ACVR2A: variants seen among roughly 807,000 people sequenced by gnomAD.
The protein encoded by ACVR2A is activin receptor type-2A.
Under a neutral mutation model 61.4 loss-of-function variants are expected in ACVR2A, and 7 were observed. That is an observed-to-expected ratio of 0.11 (90% CI 0.06 to 0.21). The LOEUF (loss-of-function observed/expected upper bound fraction) is 0.21. ACVR2A is among the 10% of genes least tolerant of loss of function. ACVR2A has a pLI of 1.00. For synonymous variants in ACVR2A, 193 were observed against 208.3 expected (o/e 0.93, Z 0.63); for missense variants, 322 against 621.7 (o/e 0.52, Z 5.13).
intron 4 of ACVR2A, among the ~76,000 whole-genome samples, chr2:147,903,458 A>G (rs1043882032): frequency 6.6e-6 from 1 of 151,848 alleles, no homozygotes; most frequent in Admixed American, 6.6e-5. Flanking sequence ...TATAATCTCA[A>G]AGTTGGCCTT....
At chr2:147,850,682 A>G in intron 1 of ACVR2A, among the ~76,000 whole-genome samples, 1 of 152,216 alleles carries the variant, frequency 6.6e-6, no homozygotes, top group East Asian at 1.9e-4. Flanking sequence ...TGAACATGAA[A>G]ATTCCAGGAA....
At chr2:147,894,635 C>A (rs924228599) in intron 1 of ACVR2A, among the ~76,000 whole-genome samples, 2 of 152,030 alleles carry the variant, frequency 1.3e-5, no homozygotes, top group African/African-American at 4.8e-5. Context: ...TCAGAAAATT[C>A]TTTTGACTAT....
chr2:147,845,018 TTTTTTTTTTGG>T, exon 1 of ACVR2A: 1 of 206,914 alleles, frequency 4.8e-6, no homozygotes, highest in Non-Finnish European at 9.0e-6. Context: ...TTTTTTTTTT[TTTTTTTTTTGG>T]TCTGGGCTTC....
chr2:147,859,832 A>G (rs888852518), intron 1 of ACVR2A, among the ~76,000 whole-genome samples: 1 of 152,190 alleles, frequency 6.6e-6, no homozygotes, highest in Admixed American at 6.5e-5. Flanking sequence ...ACAGGGTCAT[A>G]CAGATAAAAA....
At chr2:147,847,273 A>G (rs1344599320) in intron 1 of ACVR2A, among the ~76,000 whole-genome samples, 1 of 152,168 alleles carries the variant, frequency 6.6e-6, no homozygotes, top group South Asian at 2.1e-4. Context: ...AATAATCATA[A>G]AGACCTTAAT....
chr2:147,897,881 A>G (rs772195357), intron 2 of ACVR2A, among the ~76,000 whole-genome samples: 2 of 152,174 alleles, frequency 1.3e-5, no homozygotes, highest in Non-Finnish European at 2.9e-5. Context: ...GAAGTGGTCA[A>G]GTGATATGTG....
intron 2 of ACVR2A, 71 bp downstream of exon 2, chr2:147,896,579 A>G: frequency 7.0e-7 from 1 of 1,429,726 alleles, no homozygotes; most frequent in East Asian, 2.3e-5. Context: ...TGAAAGGGGA[A>G]AGATCAGTGC....
chr2:147,863,451 A>C (rs1685775763), intron 1 of ACVR2A, among the ~76,000 whole-genome samples: 1 of 152,210 alleles, frequency 6.6e-6, no homozygotes, highest in African/African-American at 2.4e-5. Flanking sequence ...TGACTCCACC[A>C]GAAGTTAACT....
chr2:147,845,216 A>G lies in ACVR2A; in HGVS notation c.55+9A>G. The G allele has an allele frequency of 6.2e-7, 1 of 1,611,380 alleles. No individual in the cohort carries two copies. Among genetic ancestry groups the G allele is most frequent in the Non-Finnish European group, 8.5e-7 (1 of 1,179,326 alleles). ...TATCTCCTGTTCTTCAGGTAGGTGCAGGGAGCGCGGCGCGGTGGGGCTGCT... is the reference window on the plus strand; with the variant it reads ...TATCTCCTGTTCTTCAGGTAGGTGCGGGGAGCGCGGCGCGGTGGGGCTGCT... On this transcript the variant is annotated intron_variant, in intron 1 of 10. Coordinates refer to ENST00000241416, the MANE Select transcript of ACVR2A (RefSeq NM_001616.5).
intron 4 of ACVR2A, among the ~76,000 whole-genome samples, chr2:147,903,251 GT>G (rs541370028): frequency 5.2e-3 from 733 of 141,176 alleles, no homozygotes; most frequent in Middle Eastern, 0.022. Flanking sequence ...TTTTCTGGTC[GT>G]TTTTTTTTTT....
At chr2:147,883,984 AC>A (rs1279068096) in intron 1 of ACVR2A, among the ~76,000 whole-genome samples, 1 of 152,164 alleles carries the variant, frequency 6.6e-6, no homozygotes, top group Non-Finnish European at 1.5e-5. Flanking sequence ...CACTAAACAA[AC>A]CCTTAATGTA....
intron 1 of ACVR2A, among the ~76,000 whole-genome samples, chr2:147,873,828 A>G (rs1247998603): frequency 6.6e-6 from 1 of 152,012 alleles, no homozygotes; most frequent in Non-Finnish European, 1.5e-5. Flanking sequence ...TAAGAAAAAC[A>G]TCTTTTTCAT....
intron 1 of ACVR2A, 142 bp downstream of exon 1, chr2:147,845,349 C>CCCCA: frequency 2.6e-5 from 1 of 38,758 alleles, no homozygotes; most frequent in Non-Finnish European, 5.0e-5. Context: ...GCTGCCACCG[C>CCCCA]CCCCCCCCCC....
chr2:147,845,290 G>GGA, intron 1 of ACVR2A, 83 bp downstream of exon 1: 1 of 1,376,314 alleles, frequency 7.3e-7, no homozygotes, highest in African/African-American at 1.5e-5. Context: ...GTGTTGAGTC[G>GGA]GAGAGTCCAG....
chr2:147,890,371 T>TAC (rs1189807183), intron 1 of ACVR2A, among the ~76,000 whole-genome samples: 1 of 151,644 alleles, frequency 6.6e-6, no homozygotes, highest in South Asian at 2.1e-4. Flanking sequence ...TGTGTGTGTA[T>TAC]ACACACATAC....
chr2:147,866,221 A>G (rs1685850944), intron 1 of ACVR2A, among the ~76,000 whole-genome samples: 1 of 152,222 alleles, frequency 6.6e-6, no homozygotes, highest in Non-Finnish European at 1.5e-5. Flanking sequence ...GGAATGATTT[A>G]GACTAAGACT....
intron 4 of ACVR2A, among the ~76,000 whole-genome samples, chr2:147,909,773 G>A (rs1183718831): frequency 6.6e-6 from 1 of 152,074 alleles, no homozygotes; most frequent in Non-Finnish European, 1.5e-5. Context: ...GAGTAGCTGG[G>A]ACCACAGGCA....
At chr2:147,916,632 G>T (rs13026650) in intron 5 of ACVR2A, among the ~76,000 whole-genome samples, 2 of 151,482 alleles carry the variant, frequency 1.3e-5, no homozygotes, top group Non-Finnish European at 3.0e-5. Flanking sequence ...GTTTCTAAGG[G>T]TTTCTAACCA....
At chr2:147,921,469 T>C (rs1687380693) in intron 8 of ACVR2A, among the ~76,000 whole-genome samples, 1 of 152,216 alleles carries the variant, frequency 6.6e-6, no homozygotes, top group African/African-American at 2.4e-5. Flanking sequence ...AACTAATTCT[T>C]AGGTTTCTTT....
Sources: gnomAD v4.1 joint callset for allele counts (sites outside exome capture counted in the v4.1 genomes callset) on GRCh38, gnomAD v4.1.1 for gene constraint, MANE v1.5 for transcripts, NCBI Gene and HGNC (gene_info 2026-07-23, HGNC 2026-07-21) for gene names.